PFKP: variants seen among roughly 807,000 people sequenced by gnomAD.
PFKP encodes the protein ATP-dependent 6-phosphofructokinase, platelet type.
In PFKP, 101 loss-of-function variants were observed where a neutral mutation model predicts 94.3. The ratio of observed to expected loss-of-function variants is 1.07; its 90% confidence interval spans 0.91 to 1.26. The LOEUF is 1.26. PFKP is among the 50% of genes most tolerant of loss of function. The pLI is 0.00. For synonymous variants in PFKP, 573 were observed against 432.6 expected, an observed-to-expected ratio of 1.32 and a Z score of -4.03; for missense variants, 1,145 against 1,103.3, an observed-to-expected ratio of 1.04 and a Z score of -0.53.
intron 1 of PFKP, among the ~76,000 whole-genome samples, chr10:3,080,059 G>A (rs1832929651): frequency 6.6e-6 from 1 of 151,258 alleles, no homozygotes; most frequent in Non-Finnish European, 1.5e-5. Context: ...AAGAGCGTCC[G>A]AGCAAGAGCA....
chr10:3,068,283 C>G (rs1831894609), intron 1 of PFKP, among the ~76,000 whole-genome samples: 1 of 152,094 alleles, frequency 6.6e-6, no homozygotes, highest in Admixed American at 6.5e-5. Context: ...TGGGCGGGGT[C>G]CTGGCTGCTG....
At chr10:3,115,356 A>ATTACAGGACTGGGGATGCCGGG (rs1836697672) in intron 13 of PFKP, among the ~76,000 whole-genome samples, 2 of 45,836 alleles carry the variant, frequency 4.4e-5, no homozygotes, top group African/African-American at 1.8e-4. Context: ...GGGATGCTGG[A>ATTACAGGACTGGGGATGCCGGG]GTGAAGGTGT....
intron 4 of PFKP, among the ~76,000 whole-genome samples, chr10:3,102,213 T>G (rs1835079403): frequency 8.7e-6 from 1 of 114,424 alleles, no homozygotes; most frequent in Non-Finnish European, 1.7e-5. Flanking sequence ...GTCCCGCCAC[T>G]GCACTCCAGC....
intron 1 of PFKP, among the ~76,000 whole-genome samples, chr10:3,079,923 G>C (rs1832915151): frequency 6.6e-6 from 1 of 151,062 alleles, no homozygotes; most frequent in African/African-American, 2.4e-5. Context: ...GGGAGGCTCT[G>C]TCCTGCCAGG....
chr10:3,136,652 G>C lies in PFKP; in HGVS notation c.*73G>C. 1.3e-6 allele frequency: 2 copies of C among 1,504,030 alleles called. No individual in the cohort carries two copies. Among genetic ancestry groups the C allele is most frequent in the Middle Eastern group, 3.6e-4 (2 of 5,610 alleles). 93.2% of individuals were successfully genotyped at this position (1,504,030 alleles called of 1,614,324 possible). On this transcript the variant is annotated 3_prime_UTR_variant, in exon 22 of 22. Coordinates refer to ENST00000381125, the MANE Select transcript of PFKP (RefSeq NM_002627.5). ...TTGTAACACTTAAGTTATTTTATCA[G>C]CACTTTATGCACGTATTATTGACAT...
intron 7 of PFKP, among the ~76,000 whole-genome samples, chr10:3,105,963 C>T (rs559474847): frequency 8.5e-5 from 13 of 152,348 alleles, no homozygotes; most frequent in East Asian, 3.9e-4. Context: ...ATAGGAAGGA[C>T]GACGGGGACA....
intron 2 of PFKP, among the ~76,000 whole-genome samples, chr10:3,094,069 T>G (rs1834291057): frequency 6.6e-6 from 1 of 152,120 alleles, no homozygotes; most frequent in Non-Finnish European, 1.5e-5. Flanking sequence ...CTAGTTTCAG[T>G]GAACATTTCA....
rs764080674 is a variant in PFKP at position 3,109,737 on chromosome 10, A to AGT, written c.1089+259_1089+260dup. Among the ~76,000 whole-genome samples the AGT allele has an allele frequency of 7.9e-5, 12 of 152,188 alleles. No homozygotes were observed. In the East Asian group the frequency reaches 9.7e-4, roughly 12 times the overall value. On this transcript the variant is annotated intron_variant, in intron 10 of 21. Transcript: ENST00000381125. ...TGGCACATAGTCGTAACCTCCCCTG[A>AGT]GTGGGGGTCTAGAGCATCGGGATCC... is the stretch of plus-strand genomic sequence containing the variant.
chr10:3,071,963 G>C (rs902797153), intron 1 of PFKP, among the ~76,000 whole-genome samples: 6 of 152,200 alleles, frequency 3.9e-5, no homozygotes, highest in African/African-American at 7.2e-5. Flanking sequence ...TGGTGGGGCC[G>C]GGCCCTGTGG....
chr10:3,110,973 T>C (rs966981086), intron 10 of PFKP, among the ~76,000 whole-genome samples: 5 of 151,960 alleles, frequency 3.3e-5, no homozygotes, highest in African/African-American at 1.2e-4. Flanking sequence ...TGTGTGCATG[T>C]GTGTATATGC....
chr10:3,115,804 T>C (rs184851239), intron 13 of PFKP, among the ~76,000 whole-genome samples: 4 of 151,854 alleles, frequency 2.6e-5, no homozygotes, highest in Non-Finnish European at 4.4e-5. Flanking sequence ...TTGTTAAGAG[T>C]AGGGTGGGAA....
At chr10:3,093,319 T>C (rs1564286974) in intron 2 of PFKP, among the ~76,000 whole-genome samples, 3 of 152,254 alleles carry the variant, frequency 2.0e-5, no homozygotes, top group African/African-American at 7.2e-5. Context: ...TTTGATGTTT[T>C]AAACATAACT....
At chr10:3,109,539 G>T in intron 10 of PFKP, 59 bp downstream of exon 10, 4 of 1,575,652 alleles carry the variant, frequency 2.5e-6, no homozygotes, top group Non-Finnish European at 3.4e-6. Flanking sequence ...GAAGCTGCTT[G>T]TCAGGCCAGC....
At chr10:3,087,304 CTG>C (rs1215532144) in intron 2 of PFKP, among the ~76,000 whole-genome samples, 1 of 152,120 alleles carries the variant, frequency 6.6e-6, no homozygotes, top group African/African-American at 2.4e-5. Flanking sequence ...TATGTTCTCT[CTG>C]TCTCAGCTGG....
chr10:3,070,517 A>G (rs17284739), intron 1 of PFKP, among the ~76,000 whole-genome samples: 5,947 of 152,342 alleles, frequency 0.039, 181 homozygotes, highest in Non-Finnish European at 0.056. Context: ...CCGTATATTA[A>G]GATGATCATA....
chr10:3,099,475 TTG>T (rs1429955904), intron 3 of PFKP, 123 bp downstream of exon 3: 1 of 748,918 alleles, frequency 1.3e-6, no homozygotes, highest in African/African-American at 1.7e-5. Flanking sequence ...AGAACAGACT[TTG>T]TGAGCAGCTC....
chr10:3,078,221 G>A (rs1190707524), intron 1 of PFKP, among the ~76,000 whole-genome samples: 2 of 152,342 alleles, frequency 1.3e-5, no homozygotes, highest in South Asian at 2.1e-4. Context: ...AAAAGCCCAC[G>A]TTGCGGGCTG....
intron 10 of PFKP, among the ~76,000 whole-genome samples, chr10:3,110,358 C>A (rs1417319402): frequency 2.2e-5 from 3 of 137,998 alleles, no homozygotes; most frequent in Admixed American, 7.6e-5. Context: ...ACCACCACGC[C>A]TGGCTAATTT....
chr10:3,112,944 G>A (rs1477920654), intron 11 of PFKP, among the ~76,000 whole-genome samples, 175 bp from the exon 12 acceptor site: 1 of 152,238 alleles, frequency 6.6e-6, no homozygotes, highest in African/African-American at 2.4e-5. Flanking sequence ...GGACAGCACC[G>A]CGGGTCGCGG....
Sources: gnomAD v4.1 joint callset for allele counts (sites outside exome capture counted in the v4.1 genomes callset) on GRCh38, gnomAD v4.1.1 for gene constraint, MANE v1.5 for transcripts, NCBI Gene and HGNC (gene_info 2026-07-23, HGNC 2026-07-21) for gene names.